The following RBFOX1 variants were observed in gnomAD, a reference collection of about 807,000 sequenced individuals.
RBFOX1 encodes RNA binding fox-1 homolog 1, also known as RNA binding protein fox-1 homolog 1.
A neutral mutation model predicts 57.7 loss-of-function variants in RBFOX1; 8 were observed. The ratio of observed to expected loss-of-function variants is 0.14; its 90% CI spans 0.08 to 0.25. The LOEUF is 0.25. RBFOX1 is among the 10% of genes least tolerant of loss of function. The probability of loss-of-function intolerance (pLI) is 1.00; values close to 1 mark genes in which losing one functional copy is unlikely to be tolerated. For synonymous variants in RBFOX1, 326 were observed against 222.4 expected (o/e 1.47, Z -4.15); for missense variants, 611 against 548.5 (o/e 1.11, Z -1.14).
chr16:7,397,940 C>T (rs910636005), intron 4 of RBFOX1, among the ~76,000 whole-genome samples: 7 of 152,024 alleles, frequency 4.6e-5, no homozygotes, highest in South Asian at 2.1e-4. Context: ...TTAAATTTCT[C>T]GGCTCAGTGA....
chr16:6,645,788 C>T (rs8051167), intron 2 of RBFOX1, among the ~76,000 whole-genome samples: 1 of 152,156 alleles, frequency 6.6e-6, no homozygotes, highest in East Asian at 1.9e-4. Flanking sequence ...TGCTAAGACC[C>T]TGGCGTGTAT....
chr16:5,714,712 A>G (rs528287742), intron 3 of RBFOX1, among the ~76,000 whole-genome samples: 11 of 152,242 alleles, frequency 7.2e-5, no homozygotes, highest in Admixed American at 4.6e-4. Flanking sequence ...AACAAAAGCC[A>G]TAATAATAGG....
chr16:6,733,031 T>A (rs910588696), intron 3 of RBFOX1, among the ~76,000 whole-genome samples: 12 of 152,202 alleles, frequency 7.9e-5, no homozygotes, highest in Non-Finnish European at 1.6e-4. Flanking sequence ...ATAGTCTTTT[T>A]AAAAATTAAC....
intron 2 of RBFOX1, among the ~76,000 whole-genome samples, chr16:6,553,799 G>A (rs1164847572): frequency 6.6e-6 from 1 of 152,156 alleles, no homozygotes; most frequent in Non-Finnish European, 1.5e-5. Context: ...AAGGGTAGAA[G>A]GAATTTCATG....
At chr16:7,030,941 C>T (rs1219625136) in intron 3 of RBFOX1, among the ~76,000 whole-genome samples, 2 of 152,164 alleles carry the variant, frequency 1.3e-5, no homozygotes, top group Admixed American at 6.5e-5. Flanking sequence ...GGGTATTTAT[C>T]TTGGAAATAA....
Position 6,676,366 on chromosome 16 carries a change from C to T in RBFOX1, c.-16+21716C>T, listed in dbSNP as rs111687027. Among the ~76,000 whole-genome samples, 728 of 152,134 alleles carry T rather than the reference C, an allele frequency of 4.8e-3. 8 individuals carry two copies. The highest frequency in any genetic ancestry group is 0.017 in the African/African-American group (703 of 41,506). On this transcript the variant is annotated intron_variant, in intron 3 of 15. Transcript: ENST00000550418. ...GGAGTCATGAGCTGTTTCGTTTTTACAATGGCAGCGCCTGCCCCAGTTGGG... is the reference window on the plus strand; with the variant it reads ...GGAGTCATGAGCTGTTTCGTTTTTATAATGGCAGCGCCTGCCCCAGTTGGG...
intron 1 of RBFOX1, among the ~76,000 whole-genome samples, chr16:6,079,578 A>C (rs12928873): frequency 0.7 from 106,190 of 151,512 alleles, 37,648 homozygotes; most frequent in Non-Finnish European, 0.77. Context: ...CCAGCCTCCC[A>C]AAATAAGCTA....
At chr16:7,147,511 T>C (rs975832526) in intron 4 of RBFOX1, among the ~76,000 whole-genome samples, 7 of 152,116 alleles carry the variant, frequency 4.6e-5, no homozygotes, top group African/African-American at 1.7e-4. Context: ...TTTGCTCTTA[T>C]CCTGATGTCC....
At chr16:7,381,290 G>GCTCAT (rs1204566117) in intron 4 of RBFOX1, among the ~76,000 whole-genome samples, 2 of 152,142 alleles carry the variant, frequency 1.3e-5, no homozygotes, top group African/African-American at 4.8e-5. Flanking sequence ...GTCCTTGTTG[G>GCTCAT]CTCATAATAT....
At chr16:7,357,055 C>G (rs548634371) in intron 4 of RBFOX1, among the ~76,000 whole-genome samples, 1 of 152,118 alleles carries the variant, frequency 6.6e-6, no homozygotes, top group African/African-American at 2.4e-5. Flanking sequence ...ATCTATCTGC[C>G]TTGGAACATT....
chr16:6,621,895 A>T (rs1444623250), intron 2 of RBFOX1, among the ~76,000 whole-genome samples: 1 of 152,180 alleles, frequency 6.6e-6, no homozygotes, highest in South Asian at 2.1e-4. Flanking sequence ...AGTGGATGAC[A>T]TGATTTAAAA....
At chr16:6,904,134 C>G (rs956095888) in intron 3 of RBFOX1, among the ~76,000 whole-genome samples, 1 of 152,166 alleles carries the variant, frequency 6.6e-6, no homozygotes, top group Non-Finnish European at 1.5e-5. Context: ...AGTTCGTTCT[C>G]AGATCATTTT....
At chr16:6,911,923 G>A (rs2071724309) in intron 3 of RBFOX1, among the ~76,000 whole-genome samples, 1 of 152,180 alleles carries the variant, frequency 6.6e-6, no homozygotes, top group Non-Finnish European at 1.5e-5. Flanking sequence ...AAGACACAGT[G>A]TAAGATTTGG....
chr16:5,365,708 T>C (rs2065693490), intron 1 of RBFOX1: 1 of 373,014 alleles, frequency 2.7e-6, no homozygotes, highest in Non-Finnish European at 5.1e-6. Flanking sequence ...TTCCCTGGTG[T>C]GATTCCGTCC....
chr16:6,746,897 C>A (rs1311654552), intron 3 of RBFOX1, among the ~76,000 whole-genome samples: 1 of 152,080 alleles, frequency 6.6e-6, no homozygotes, highest in Non-Finnish European at 1.5e-5. Flanking sequence ...ACTCCATCTC[C>A]TAGCAGTCTT....
chr16:7,419,198 C>G (rs1396253423), intron 4 of RBFOX1, among the ~76,000 whole-genome samples: 1 of 152,056 alleles, frequency 6.6e-6, no homozygotes, highest in East Asian at 1.9e-4. Context: ...GTGAGCACCA[C>G]CACCGTCCCC....
rs992508167 is a variant in RBFOX1, at chr16:6,988,739, T to G, written c.-15-63318T>G. Among the ~76,000 whole-genome samples, 99 of 71,714 alleles carry G rather than the reference T, an allele frequency of 1.4e-3. 1 individual carries two copies. Among genetic ancestry groups the G allele is most frequent in the African/African-American group, 3.4e-3 (55 of 16,220 alleles). The allele number at this position is 71,714 out of a possible 152,430, so 47.0% of individuals were successfully genotyped here. A position where few individuals can be genotyped will look rare whatever the true frequency, so the allele number is the denominator to read the frequency against. ...GACATCACACCCAGCTAATTTTTTT[T>G]TTTGTTTGTTTGTTTTTTGTTTTTT... On this transcript the variant is annotated intron_variant, in intron 3 of 15. Transcript: ENST00000550418.
At chr16:5,637,492 A>C (rs1567330135) in intron 3 of RBFOX1, among the ~76,000 whole-genome samples, 1 of 152,194 alleles carries the variant, frequency 6.6e-6, no homozygotes, top group African/African-American at 2.4e-5. Context: ...TGGGCTTAGC[A>C]AGCTAATGTC....
chr16:7,237,604 G>A (rs754450505), intron 4 of RBFOX1, among the ~76,000 whole-genome samples: 6 of 152,188 alleles, frequency 3.9e-5, no homozygotes, highest in Non-Finnish European at 8.8e-5. Flanking sequence ...TTCAGTATAG[G>A]TGACTTTAGA....
Sources: gnomAD v4.1 joint callset for allele counts (sites outside exome capture counted in the v4.1 genomes callset) on GRCh38, gnomAD v4.1.1 for gene constraint, MANE v1.5 for transcripts, NCBI Gene and HGNC (gene_info 2026-07-23, HGNC 2026-07-21) for gene names.